The following USH2A variants were observed in gnomAD, a reference collection of about 807,000 sequenced individuals.
The protein encoded by USH2A is Usher syndrome 2A (autosomal recessive, mild).
Under a neutral mutation model 538.9 loss-of-function variants are expected in USH2A, and 443 were observed. That is an observed-to-expected ratio of 0.82 (90% confidence interval 0.76 to 0.89). The LOEUF is 0.89. USH2A is among the 40% of genes least tolerant of loss of function. The pLI is 0.00. For missense variants in USH2A, 6,633 were observed against 6,324.8 expected, an observed-to-expected ratio of 1.05 and a Z score of -1.65; for synonymous variants, 2,413 against 2,273.5, an observed-to-expected ratio of 1.06 and a Z score of -1.75.
chr1:216,383,867 T>TC (rs2038960494), intron 3 of USH2A, among the ~76,000 whole-genome samples: 1 of 110,042 alleles, frequency 9.1e-6, no homozygotes, highest in East Asian at 2.1e-4. Flanking sequence ...TCTTTCTTTC[T>TC]TTTTTTTTTT....
At chr1:215,900,246 A>G in intron 39 of USH2A, 29 bp from the exon 40 acceptor site, 1 of 1,612,034 alleles carries the variant, frequency 6.2e-7, no homozygotes, top group Non-Finnish European at 8.5e-7. Flanking sequence ...TCAATTAGGA[A>G]GTTTTCGACA....
At chr1:215,802,137 T>C (rs76959414) in intron 49 of USH2A, among the ~76,000 whole-genome samples, 2,736 of 151,900 alleles carry the variant, frequency 0.018, 87 homozygotes, top group African/African-American at 0.063. Flanking sequence ...GGATCAAAGA[T>C]CTAGATGTAA....
intron 63 of USH2A, 131 bp downstream of exon 63, chr1:215,673,969 G>C (rs900122356): frequency 6.6e-7 from 1 of 1,514,004 alleles, no homozygotes; most frequent in Admixed American, 1.7e-5. Context: ...TACTATGCAC[G>C]TTTAGGTGGA....
chr1:215,676,344 G>C (rs1658026564), intron 62 of USH2A, among the ~76,000 whole-genome samples: 1 of 152,134 alleles, frequency 6.6e-6, no homozygotes, highest in Admixed American at 6.5e-5. Flanking sequence ...TACAAATGTA[G>C]AGCAAGTTTT....
chr1:215,991,927 A>G (rs574907653), intron 35 of USH2A, among the ~76,000 whole-genome samples: 11 of 152,332 alleles, frequency 7.2e-5, no homozygotes, highest in African/African-American at 2.6e-4. Flanking sequence ...ATTGCTTAAT[A>G]TGGTATCAAA....
intron 3 of USH2A, among the ~76,000 whole-genome samples, chr1:216,392,033 C>T (rs2039118482): frequency 6.6e-6 from 1 of 152,100 alleles, no homozygotes; most frequent in African/African-American, 2.4e-5. Flanking sequence ...ACCCTGGACT[C>T]AGTAAAGAGC....
At chr1:216,394,508 C>T (rs2039170253) in intron 3 of USH2A, among the ~76,000 whole-genome samples, 1 of 151,964 alleles carries the variant, frequency 6.6e-6, no homozygotes, top group African/African-American at 2.4e-5. Context: ...CAAAAAGGTA[C>T]ATTTTGCTTT....
intron 67 of USH2A, among the ~76,000 whole-genome samples, chr1:215,645,103 T>C (rs1169139506): frequency 6.6e-6 from 1 of 152,210 alleles, no homozygotes; most frequent in Non-Finnish European, 1.5e-5. Flanking sequence ...AGCAAATTAC[T>C]GACTGAAGAC....
At chr1:216,310,587 C>G (rs974116336) in intron 9 of USH2A, among the ~76,000 whole-genome samples, 2 of 152,074 alleles carry the variant, frequency 1.3e-5, no homozygotes, top group Admixed American at 1.3e-4. Context: ...TTCAAGCTCA[C>G]TGATTCTTTC....
At chr1:215,808,863 T>C (rs1479774904) in intron 49 of USH2A, among the ~76,000 whole-genome samples, 1 of 152,120 alleles carries the variant, frequency 6.6e-6, no homozygotes, top group Non-Finnish European at 1.5e-5. Flanking sequence ...CTGTAAACCC[T>C]CATGTACAGG....
At chr1:216,187,152 G>A (rs549750845) in intron 20 of USH2A, among the ~76,000 whole-genome samples, 3 of 151,884 alleles carry the variant, frequency 2.0e-5, no homozygotes, top group South Asian at 2.1e-4. Flanking sequence ...ATTTAATGAG[G>A]TATCTACTCA....
chr1:216,066,906 C>A (rs2031393135), intron 30 of USH2A, among the ~76,000 whole-genome samples: 3 of 152,154 alleles, frequency 2.0e-5, no homozygotes, highest in African/African-American at 7.2e-5. Flanking sequence ...TGTCTGACTT[C>A]AAAGTTCAAG....
rs372043673 is a variant in USH2A, at chr1:215,802,870, T to C, written c.9740-3745A>G. On this transcript the variant is annotated intron_variant, in intron 49 of 71. Transcript: ENST00000307340. ...TCACTAGGCAGAAATAACCCCAATG[T>C]CCGCTGATGAATAAATGAATACAAA... is the stretch of plus-strand genomic sequence containing the variant. Among the ~76,000 whole-genome samples, 18 of 152,188 alleles carry C rather than the reference T, an allele frequency of 1.2e-4. No homozygotes were observed. In the East Asian group the frequency reaches 2.3e-3, roughly 20 times the overall value.
intron 21 of USH2A, among the ~76,000 whole-genome samples, chr1:216,154,179 C>G (rs950835210): frequency 1.3e-5 from 2 of 152,006 alleles, no homozygotes; most frequent in African/African-American, 4.8e-5. Flanking sequence ...TACAAAAATT[C>G]CCTTCTGAAT....
chr1:216,368,911 A>G (rs2038649979), intron 3 of USH2A, among the ~76,000 whole-genome samples: 1 of 152,188 alleles, frequency 6.6e-6, no homozygotes, highest in Non-Finnish European at 1.5e-5. Context: ...ATTTAAAGCA[A>G]AACCATTTTA....
Position 216,070,306 on chromosome 1 carries a change from A to C in USH2A, c.5858-14T>G, listed in dbSNP as rs750620858. On this transcript the variant is annotated splice_polypyrimidine_tract_variant and intron_variant, in intron 29 of 71. Transcript: ENST00000307340. ...CACTTTGTGGAGCTGTGAAGGAATA[A>C]AAGAGAAAATAGGGAAAATGGCAGT... 6.2e-7 allele frequency: 1 copy of C among 1,613,494 alleles called. No individual in the cohort carries two copies. The highest frequency in any genetic ancestry group is 8.5e-7 in the Non-Finnish European group (1 of 1,179,660).
intron 29 of USH2A, 21 bp downstream of exon 29, chr1:216,072,868 C>T (rs780800108): frequency 6.3e-7 from 1 of 1,596,772 alleles, no homozygotes; most frequent in South Asian, 1.1e-5. Context: ...TGCACATATG[C>T]ATTTGAAGAT....
intron 3 of USH2A, among the ~76,000 whole-genome samples, chr1:216,386,846 C>T (rs371092243): frequency 6.6e-6 from 1 of 152,042 alleles, no homozygotes; most frequent in African/African-American, 2.4e-5. Context: ...CAGAGTGAGA[C>T]TCCGTCTCAA....
At chr1:216,397,826 C>T (rs1368541153) in intron 3 of USH2A, among the ~76,000 whole-genome samples, 1 of 152,248 alleles carries the variant, frequency 6.6e-6, no homozygotes, top group Non-Finnish European at 1.5e-5. Flanking sequence ...TGGCTTCTAT[C>T]ATTCTATAGC....
Sources: allele counts gnomAD v4.1 joint callset (sites outside exome capture counted in the v4.1 genomes callset), GRCh38; gene constraint gnomAD v4.1.1; transcripts MANE v1.5; gene names NCBI Gene and HGNC (gene_info 2026-07-23, HGNC 2026-07-21).